Variants in SMIM35 observed in about 807,000 individuals in gnomAD.
SMIM35 encodes TMPRSS4 antisense RNA 1 (non-protein coding).
intron 1 of SMIM35, among the ~76,000 whole-genome samples, chr11:118,037,769 C>T (rs1468744380): frequency 6.6e-6 from 1 of 152,160 alleles, no homozygotes; most frequent in Non-Finnish European, 1.5e-5. Flanking sequence ...ACCGCCAATG[C>T]CAGTACCTAG....
intron 1 of SMIM35, chr11:118,029,680 G>C: frequency 2.2e-6 from 1 of 457,332 alleles, no homozygotes; most frequent in African/African-American, 2.0e-5. Flanking sequence ...CTAGTTTGCA[G>C]TTTTTCCAAA....
chr11:118,012,320 C>T (rs2058154614), intron 4 of SMIM35, among the ~76,000 whole-genome samples: 1 of 152,240 alleles, frequency 6.6e-6, no homozygotes, highest in South Asian at 2.1e-4. Flanking sequence ...ACTCTGCCTC[C>T]AGTCCAGCAG....
At chr11:118,068,748 C>T (rs1006822675) in intron 1 of SMIM35, among the ~76,000 whole-genome samples, 2 of 152,130 alleles carry the variant, frequency 1.3e-5, no homozygotes, top group Non-Finnish European at 1.5e-5. Context: ...CTGGGAAAAG[C>T]GAGAAACCCG....
chr11:118,075,116 C>T (rs1457013921), intron 1 of SMIM35, among the ~76,000 whole-genome samples: 2 of 152,350 alleles, frequency 1.3e-5, no homozygotes, highest in Admixed American at 6.5e-5. Flanking sequence ...GGAACCAAGA[C>T]AACTGAAAAC....
intron 1 of SMIM35, among the ~76,000 whole-genome samples, chr11:118,077,491 C>G (rs894601076): frequency 1.3e-5 from 2 of 152,226 alleles, no homozygotes; most frequent in Non-Finnish European, 1.5e-5. Flanking sequence ...CTGCCTTCCT[C>G]TCTTCCTCCA....
At chr11:118,019,305 C>T (rs1354695109) in intron 1 of SMIM35, among the ~76,000 whole-genome samples, 1 of 152,140 alleles carries the variant, frequency 6.6e-6, no homozygotes, top group African/African-American at 2.4e-5. Context: ...GAATAGTGAT[C>T]CCTGAAGGAA....
At chr11:118,049,339 A>AT (rs398017739) in intron 1 of SMIM35, among the ~76,000 whole-genome samples, 1,874 of 84,028 alleles carry the variant, frequency 0.022, 161 homozygotes, top group South Asian at 0.064. Context: ...TCCACCCTTA[A>AT]TTTTTTTTTT....
chr11:118,055,824 AGAG>A (rs1944301588), intron 1 of SMIM35, among the ~76,000 whole-genome samples: 1 of 152,146 alleles, frequency 6.6e-6, no homozygotes, highest in Admixed American at 6.5e-5. Context: ...GTGGAGAGAA[AGAG>A]GAGCTGAGAT....
At chr11:118,028,814 AGAG>A (rs776533385) in intron 1 of SMIM35, 2 of 453,510 alleles carry the variant, frequency 4.4e-6, no homozygotes, top group Admixed American at 2.4e-5. Context: ...AGGAGAAACA[AGAG>A]GAGAAGTAGA....
At chr11:118,068,831 G>A (rs991780873) in intron 1 of SMIM35, among the ~76,000 whole-genome samples, 7 of 152,272 alleles carry the variant, frequency 4.6e-5, no homozygotes, top group African/African-American at 9.6e-5. Flanking sequence ...GAGGCCCAGC[G>A]GCATCCAGGA....
chr11:118,058,775 G>A (rs2847699), intron 1 of SMIM35, among the ~76,000 whole-genome samples: 2,378 of 152,286 alleles, frequency 0.016, 28 homozygotes, highest in Middle Eastern at 0.024. Context: ...AGCTCGGGGG[G>A]CCTGGGGAAG....
At chr11:118,086,538 C>A (rs765157896) in intron 1 of SMIM35, among the ~76,000 whole-genome samples, 4 of 152,248 alleles carry the variant, frequency 2.6e-5, no homozygotes, top group Non-Finnish European at 5.9e-5. Context: ...AGCTTAGATG[C>A]CCAGCGGCAT....
At chr11:118,047,598 A>G (rs1314513496) in intron 1 of SMIM35, among the ~76,000 whole-genome samples, 1 of 152,098 alleles carries the variant, frequency 6.6e-6, no homozygotes, top group Non-Finnish European at 1.5e-5. Context: ...CAGACCTTAG[A>G]CTGTCCTGTC....
intron 1 of SMIM35, among the ~76,000 whole-genome samples, chr11:118,049,298 T>G (rs1186822317): frequency 1.3e-5 from 2 of 151,530 alleles, no homozygotes; most frequent in African/African-American, 4.8e-5. Flanking sequence ...GTGAGTGATT[T>G]GAAGGGAAGC....
At chr11:118,085,716 G>A (rs1228226034) in intron 1 of SMIM35, among the ~76,000 whole-genome samples, 1 of 152,200 alleles carries the variant, frequency 6.6e-6, no homozygotes, top group African/African-American at 2.4e-5. Flanking sequence ...GAGGGTCCCT[G>A]CCAGGCTGAA....
chr11:118,066,618 C>CATA (rs1221027868), intron 1 of SMIM35, among the ~76,000 whole-genome samples: 3 of 152,126 alleles, frequency 2.0e-5, no homozygotes. Flanking sequence ...TATCTGAAGG[C>CATA]ATAATACACC....
At chr11:118,027,052 G>A (rs1249675945) in intron 1 of SMIM35, among the ~76,000 whole-genome samples, 1 of 108,926 alleles carries the variant, frequency 9.2e-6, no homozygotes, top group Non-Finnish European at 1.7e-5. Context: ...ACGGAGTCTC[G>A]CTCTGTCGCC....
rs146963166 is a variant in SMIM35, at chr11:118,008,540, T to C, written c.*34-2164A>G. On this transcript the variant is annotated intron_variant, in intron 4 of 4. Coordinates refer to ENST00000689828, the MANE Select transcript of SMIM35 (RefSeq NM_001394165.1). Reference sequence around the variant, plus strand: ...TCTTCACCTGCCAGCCTTGTCACGGTTTTGATCATTCCTTAGGTTATCCTT... The same window carrying C: ...TCTTCACCTGCCAGCCTTGTCACGGCTTTGATCATTCCTTAGGTTATCCTT... Among the ~76,000 whole-genome samples, 623 of 152,276 alleles carry C rather than the reference T, an allele frequency of 4.1e-3. 2 individuals carry two copies. The highest frequency in any genetic ancestry group is 0.013 in the African/African-American group (524 of 41,558).
intron 3 of SMIM35, among the ~76,000 whole-genome samples, chr11:118,014,369 G>A (rs942686524): frequency 2.0e-5 from 3 of 151,036 alleles, no homozygotes; most frequent in Non-Finnish European, 4.4e-5. Flanking sequence ...AGGCAGCTCT[G>A]TCTGCTTGGG....
Sources: gnomAD v4.1 joint callset for allele counts (sites outside exome capture counted in the v4.1 genomes callset) on GRCh38, gnomAD v4.1.1 for gene constraint, MANE v1.5 for transcripts, NCBI Gene and HGNC (gene_info 2026-07-23, HGNC 2026-07-21) for gene names.